SLC2A9: variants seen among roughly 807,000 people sequenced by gnomAD.
The protein encoded by SLC2A9 is solute carrier family 2, facilitated glucose transporter member 9.
A neutral mutation model predicts 50.6 loss-of-function variants in SLC2A9; 39 were observed. The observed-to-expected ratio is 0.77, with a 90% confidence interval of 0.60 to 1.01. The LOEUF is 1.01. Among genes scored for constraint, SLC2A9 ranks in the 50% least tolerant of loss-of-function variants. The pLI is 0.00. For synonymous variants in SLC2A9, 324 were observed against 276.9 expected, an observed-to-expected ratio of 1.17 and a Z score of -1.69; for missense variants, 686 against 677.6, an observed-to-expected ratio of 1.01 and a Z score of -0.14.
intron 10 of SLC2A9, among the ~76,000 whole-genome samples, chr4:9,854,295 G>A (rs747650669): frequency 3.2e-4 from 49 of 152,056 alleles, no homozygotes; most frequent in Non-Finnish European, 6.0e-4. Flanking sequence ...AAGTGACAAA[G>A]AGACATTATC....
chr4:9,908,262 GC>G lies in SLC2A9; in HGVS notation c.1085del (p.Gly362AlafsTer41). On this transcript the variant is annotated frameshift_variant, in exon 8 of 12. Coordinates refer to ENST00000264784, the MANE Select transcript of SLC2A9 (RefSeq NM_020041.3). LOFTEE classifies it high-confidence loss of function. ...AGAAGACGGCAGCCAAAGTCTCGAT[GC>G]CCCCTGTACTCAAGGTGACGTATGG... ...KIPYVTLSTG[G>X]IETLAAVFSG... is the part of the protein sequence containing the mutation. 1 of 1,613,764 alleles carries G rather than the reference GC, an allele frequency of 6.2e-7. No individual in the cohort carries two copies. Among genetic ancestry groups the G allele is most frequent in the Non-Finnish European group, 8.5e-7 (1 of 1,179,646 alleles).
intron 5 of SLC2A9, among the ~76,000 whole-genome samples, chr4:9,969,232 T>A (rs1439411529): frequency 6.6e-6 from 1 of 152,164 alleles, no homozygotes; most frequent in African/African-American, 2.4e-5. Flanking sequence ...GATATGTTAT[T>A]GGTATATATG....
rs570999607 is a variant in SLC2A9 at position 9,942,470 on chromosome 4, A to T, written c.682-425T>A. On this transcript the variant is annotated intron_variant, in intron 5 of 11. Transcript: ENST00000264784. ...TGGAGGTGACATGGGCACCACCGCT[A>T]GATATCTAGACGCCCACGACATTCA... Among the ~76,000 whole-genome samples, 67 of 152,338 alleles carry T rather than the reference A, an allele frequency of 4.4e-4. No individual in the cohort carries two copies. In the South Asian group the frequency reaches 7.7e-3, roughly 17 times the overall value.
intron 2 of SLC2A9, among the ~76,000 whole-genome samples, chr4:10,003,229 G>C (rs1187046868): frequency 6.6e-6 from 1 of 152,200 alleles, no homozygotes; most frequent in Non-Finnish European, 1.5e-5. Context: ...AGCAATTGCA[G>C]CTGTCTTGCA....
At chr4:9,775,310 G>A (rs1422757012), downstream of SLC2A9, among the ~76,000 whole-genome samples, 2 of 152,172 alleles carry the variant, frequency 1.3e-5, no homozygotes, top group Non-Finnish European at 2.9e-5. Flanking sequence ...CAAAGTGGCA[G>A]CTGCGAGCCT....
In SLC2A9 at chr4:9,826,376, C is replaced by G. The variant is rs1725126608; in HGVS notation, c.*21G>C. 1.9e-6 allele frequency: 3 copies of G among 1,611,972 alleles called. No individual in the cohort carries two copies. The highest frequency in any genetic ancestry group is 2.5e-6 in the Non-Finnish European group (3 of 1,178,250). On this transcript the variant is annotated 3_prime_UTR_variant, in exon 12 of 12. Transcript: ENST00000264784. ...CAATCCTGTTTTTGACATAATTGTC[C>G]AACGTGGAGGAGGAAACTTGTTAAG...
At chr4:9,873,654 C>T (rs990441612) in intron 10 of SLC2A9, among the ~76,000 whole-genome samples, 2 of 152,306 alleles carry the variant, frequency 1.3e-5, no homozygotes, top group Admixed American at 6.5e-5. Context: ...ATGAGTGAGG[C>T]TACTTTGGAC....
chr4:9,829,474 A>AAAG (rs1391440730), intron 11 of SLC2A9, among the ~76,000 whole-genome samples: 21 of 151,350 alleles, frequency 1.4e-4, no homozygotes, highest in African/African-American at 4.8e-4. Flanking sequence ...AAAATGTCAA[A>AAAG]AAAAAAAAAA....
At chr4:9,953,612 A>G (rs7375642) in intron 5 of SLC2A9, among the ~76,000 whole-genome samples, 73,109 of 151,810 alleles carry the variant, frequency 0.48, 18,960 homozygotes, top group African/African-American at 0.67. Context: ...TGCCCAGTTT[A>G]GGAGTTTTTT....
At chr4:9,983,079 G>T (rs1756150466) in intron 4 of SLC2A9, among the ~76,000 whole-genome samples, 1 of 152,176 alleles carries the variant, frequency 6.6e-6, no homozygotes, top group Non-Finnish European at 1.5e-5. Flanking sequence ...TGTTGGTCAG[G>T]CTGCTCTCAA....
At chr4:9,866,120 G>T (rs559509110) in intron 10 of SLC2A9, among the ~76,000 whole-genome samples, 3 of 152,252 alleles carry the variant, frequency 2.0e-5, no homozygotes, top group African/African-American at 7.2e-5. Context: ...AATATGCAGG[G>T]CCCGTTACTT....
intron 1 of SLC2A9, among the ~76,000 whole-genome samples, chr4:10,019,673 C>T (rs570123526): frequency 6.6e-6 from 1 of 152,368 alleles, no homozygotes; most frequent in East Asian, 1.9e-4. Flanking sequence ...CCTGAGACTG[C>T]CGACAGCCAG....
chr4:9,883,728 G>T (rs1239404190), intron 10 of SLC2A9, among the ~76,000 whole-genome samples: 1 of 152,192 alleles, frequency 6.6e-6, no homozygotes, highest in Non-Finnish European at 1.5e-5. Flanking sequence ...GCACCTCCCA[G>T]TCCACATCTT....
At chr4:9,985,910 C>T in intron 3 of SLC2A9, 117 bp from the exon 4 acceptor site, 1 of 1,447,428 alleles carries the variant, frequency 6.9e-7, no homozygotes, top group South Asian at 1.2e-5. Flanking sequence ...AAGACTCAGG[C>T]ACAGTGCAGG....
intron 5 of SLC2A9, among the ~76,000 whole-genome samples, chr4:9,948,416 T>G (rs1017102198): frequency 6.6e-5 from 10 of 152,236 alleles, no homozygotes; most frequent in Non-Finnish European, 1.5e-4. Context: ...TGACGGCCAC[T>G]GTCCTAGGGC....
intron 3 of SLC2A9, among the ~76,000 whole-genome samples, chr4:9,800,917 C>G (rs1721314826): frequency 6.6e-6 from 1 of 152,088 alleles, no homozygotes; most frequent in South Asian, 2.1e-4. Flanking sequence ...GTATTTTGTT[C>G]CAGCCATCCT....
At chr4:10,022,491 G>T (rs898066529), upstream of SLC2A9, among the ~76,000 whole-genome samples, 6 of 152,270 alleles carry the variant, frequency 3.9e-5, no homozygotes, top group African/African-American at 1.4e-4. Context: ...CACACCAGGA[G>T]GTTGTGGGAA....
chr4:9,918,168 C>G (rs1226760705), intron 7 of SLC2A9, among the ~76,000 whole-genome samples: 1 of 152,146 alleles, frequency 6.6e-6, no homozygotes, highest in African/African-American at 2.4e-5. Context: ...ACGGATGTCT[C>G]CAGTGACATG....
intron 5 of SLC2A9, among the ~76,000 whole-genome samples, chr4:9,947,042 T>C (rs752990243): frequency 2.0e-5 from 3 of 151,966 alleles, no homozygotes; most frequent in Non-Finnish European, 2.9e-5. Context: ...GGGTGGGAGG[T>C]AGATGGTTGA....
Sources: allele counts gnomAD v4.1 joint callset (sites outside exome capture counted in the v4.1 genomes callset), GRCh38; gene constraint gnomAD v4.1.1; transcripts MANE v1.5; gene names NCBI Gene and HGNC (gene_info 2026-07-23, HGNC 2026-07-21).